The following MIS18A variants were observed in gnomAD, a reference collection of about 807,000 sequenced individuals.
MIS18A encodes protein Mis18-alpha.
Under a neutral mutation model 25.0 loss-of-function variants are expected in MIS18A, and 14 were observed. The ratio of observed to expected loss-of-function variants is 0.56; its 90% CI spans 0.37 to 0.88. MIS18A has a LOEUF of 0.88. Ranked by LOEUF, MIS18A falls within the 40% of genes least tolerant of loss-of-function variation. The pLI is 0.00. For missense variants in MIS18A, 292 were observed against 290.8 expected (o/e 1.00, Z -0.03); for synonymous variants, 134 against 118.6 (o/e 1.13, Z -0.84).
the MIS18A span, among the ~76,000 whole-genome samples, chr21:32,228,319 C>T: frequency 6.6e-6 from 1 of 152,106 alleles, no homozygotes; most frequent in African/African-American, 2.4e-5. Flanking sequence ...GAACTCTTGA[C>T]CTAGTGATCC....
the MIS18A span, among the ~76,000 whole-genome samples, chr21:32,243,932 C>T: frequency 1.3e-3 from 195 of 151,564 alleles, 1 homozygote; most frequent in East Asian, 4.3e-3. Context: ...CCAGCCTGGG[C>T]GACACAGCGA....
downstream of MIS18A, among the ~76,000 whole-genome samples, chr21:32,268,010 C>G (rs1255861955): frequency 1.3e-5 from 2 of 152,196 alleles, no homozygotes; most frequent in African/African-American, 4.8e-5. Flanking sequence ...AATCAGGGAA[C>G]TTCGGAGCAA....
At chr21:32,267,230 T>C (rs1216670840), downstream of MIS18A, among the ~76,000 whole-genome samples, 1 of 152,246 alleles carries the variant, frequency 6.6e-6, no homozygotes, top group East Asian at 1.9e-4. Context: ...AGATGAAGAC[T>C]GTCTTATGAA....
At chr21:32,175,085 G>C in the MIS18A span, among the ~76,000 whole-genome samples, 1 of 152,122 alleles carries the variant, frequency 6.6e-6, no homozygotes, top group Admixed American at 6.5e-5. Context: ...ACACACCTAG[G>C]CTATATGGTA....
At chr21:32,225,104 C>T in the MIS18A span, among the ~76,000 whole-genome samples, 1 of 106,556 alleles carries the variant, frequency 9.4e-6, no homozygotes, top group South Asian at 4.0e-4. Context: ...GGATCCCTTC[C>T]TTACACCTTA....
chr21:32,188,837 G>A, the MIS18A span, among the ~76,000 whole-genome samples: 2 of 152,174 alleles, frequency 1.3e-5, no homozygotes, highest in African/African-American at 2.4e-5. Flanking sequence ...AATGGAGAAC[G>A]AGGCAGTGAG....
the MIS18A span, among the ~76,000 whole-genome samples, chr21:32,176,338 A>G: frequency 6.6e-6 from 1 of 152,196 alleles, no homozygotes; most frequent in Non-Finnish European, 1.5e-5. Flanking sequence ...AACGGATATG[A>G]CATCACTAGG....
In MIS18A at chr21:32,268,766, T is replaced by C. The variant is rs1035572735; in HGVS notation, c.*271A>G. ...ACAATCACTTCTTTATCATAAAATA[T>C]AGCTATAGAAGTAATTCTACAATTT... On this transcript the variant is annotated 3_prime_UTR_variant, in exon 5 of 5. Coordinates refer to ENST00000290130, the MANE Select transcript of MIS18A (RefSeq NM_018944.3). 6.5e-5 allele frequency: 18 copies of C among 278,860 alleles called. No homozygotes were observed. The highest frequency in any genetic ancestry group is 3.7e-4 in the African/African-American group (17 of 45,664). 17.3% of individuals were successfully genotyped at this position (278,860 alleles called of 1,614,324 possible).
the MIS18A span, among the ~76,000 whole-genome samples, chr21:32,190,338 A>G: frequency 6.6e-6 from 1 of 152,242 alleles, no homozygotes; most frequent in Non-Finnish European, 1.5e-5. Context: ...ACAGAGAAAA[A>G]TGAAAAATGG....
chr21:32,246,553 T>G, the MIS18A span, among the ~76,000 whole-genome samples: 1 of 152,148 alleles, frequency 6.6e-6, no homozygotes, highest in African/African-American at 2.4e-5. Context: ...GCCCCAAGAT[T>G]CATCCAAGCA....
the MIS18A span, among the ~76,000 whole-genome samples, chr21:32,246,663 C>A: frequency 6.6e-6 from 1 of 152,110 alleles, no homozygotes; most frequent in Non-Finnish European, 1.5e-5. Flanking sequence ...TTATCTTATC[C>A]GACTCTTGTC....
At chr21:32,233,001 A>G in the MIS18A span, among the ~76,000 whole-genome samples, 3 of 152,176 alleles carry the variant, frequency 2.0e-5, no homozygotes, top group Non-Finnish European at 4.4e-5. Context: ...ACACAGTGAA[A>G]TTGTTTCTAT....
chr21:32,246,976 G>A, the MIS18A span, among the ~76,000 whole-genome samples: 22 of 152,312 alleles, frequency 1.4e-4, no homozygotes, highest in Middle Eastern at 3.4e-3. Flanking sequence ...AATTCAGTCA[G>A]TCATAGATGA....
the MIS18A span, among the ~76,000 whole-genome samples, chr21:32,207,869 G>T: frequency 6.6e-6 from 1 of 152,194 alleles, no homozygotes; most frequent in Non-Finnish European, 1.5e-5. Flanking sequence ...TCTACTTCAT[G>T]GGCAAGGGAT....
chr21:32,236,384 A>G, the MIS18A span, among the ~76,000 whole-genome samples: 1 of 152,170 alleles, frequency 6.6e-6, no homozygotes, highest in Non-Finnish European at 1.5e-5. Context: ...TTCCCTCTCA[A>G]CAACAACAAA....
At chr21:32,205,777 G>A in the MIS18A span, among the ~76,000 whole-genome samples, 355 of 152,248 alleles carry the variant, frequency 2.3e-3, 1 homozygote, top group African/African-American at 8.2e-3. Flanking sequence ...TCAGCCTTGC[G>A]TTTTCTGCTT....
chr21:32,219,692 C>T, the MIS18A span, among the ~76,000 whole-genome samples: 1 of 152,154 alleles, frequency 6.6e-6, no homozygotes, highest in East Asian at 1.9e-4. Context: ...GAGGATCCCA[C>T]CCCCACAGAG....
At chr21:32,207,377 G>A in the MIS18A span, among the ~76,000 whole-genome samples, 7 of 152,164 alleles carry the variant, frequency 4.6e-5, no homozygotes, top group African/African-American at 1.2e-4. Context: ...TACATAAGTC[G>A]TTGGGAAATG....
intron 2 of MIS18A, 100 bp from the exon 3 acceptor site, chr21:32,270,629 T>A: frequency 2.3e-6 from 3 of 1,325,232 alleles, no homozygotes; most frequent in Non-Finnish European, 3.0e-6. Flanking sequence ...TTCTCAAGTA[T>A]GCTATTCTGA....
Sources: gnomAD v4.1 joint callset for allele counts (sites outside exome capture counted in the v4.1 genomes callset) on GRCh38, gnomAD v4.1.1 for gene constraint, MANE v1.5 for transcripts, NCBI Gene and HGNC (gene_info 2026-07-23, HGNC 2026-07-21) for gene names.